Variants in ZZZ3 observed in about 807,000 individuals in gnomAD.
The protein encoded by ZZZ3 is ZZ-type zinc finger-containing protein 3.
ZZZ3 carries 22 observed loss-of-function variants against 95.2 expected under a neutral mutation model. That is an observed-to-expected ratio of 0.23 (90% CI 0.17 to 0.33). The LOEUF (loss-of-function observed/expected upper bound fraction) is 0.33, where lower values mean the gene tolerates loss of function less well. ZZZ3 is among the 10% of genes least tolerant of loss of function. ZZZ3 has a pLI of 1.00. For synonymous variants in ZZZ3, 335 were observed against 358.9 expected (o/e 0.93, Z 0.75); for missense variants, 885 against 1,066.5 (o/e 0.83, Z 2.37).
At chr1:77,596,954 A>C (rs979548139) in intron 5 of ZZZ3, among the ~76,000 whole-genome samples, 5 of 152,114 alleles carry the variant, frequency 3.3e-5, no homozygotes, top group Non-Finnish European at 7.4e-5. Context: ...TTCTTGCTCT[A>C]TCAGCTGAGA....
chr1:77,623,767 C>G (rs1376683376), intron 5 of ZZZ3, among the ~76,000 whole-genome samples: 1 of 152,204 alleles, frequency 6.6e-6, no homozygotes, highest in African/African-American at 2.4e-5. Flanking sequence ...CACAGAAAAT[C>G]TTGCCTGAGA....
intron 4 of ZZZ3, among the ~76,000 whole-genome samples, chr1:77,636,293 A>G (rs1448164748): frequency 6.6e-6 from 1 of 152,218 alleles, no homozygotes; most frequent in Non-Finnish European, 1.5e-5. Context: ...TTCCACACCA[A>G]TCTGAATGGG....
At chr1:77,578,397 C>A (rs1435757023) in intron 11 of ZZZ3, among the ~76,000 whole-genome samples, 1 of 152,072 alleles carries the variant, frequency 6.6e-6, no homozygotes, top group African/African-American at 2.4e-5. Flanking sequence ...ATAAACCTTT[C>A]TATTCTTGGA....
chr1:77,601,431 G>A (rs1199313014), intron 5 of ZZZ3, among the ~76,000 whole-genome samples: 3 of 152,084 alleles, frequency 2.0e-5, no homozygotes, highest in Non-Finnish European at 2.9e-5. Flanking sequence ...AAGAAATTGC[G>A]ATGGGAAGAA....
At chr1:77,611,842 A>G (rs1397219408) in intron 5 of ZZZ3, among the ~76,000 whole-genome samples, 1 of 152,052 alleles carries the variant, frequency 6.6e-6, no homozygotes, top group Non-Finnish European at 1.5e-5. Flanking sequence ...AAACGAGTGA[A>G]AGACCTAAAT....
At chr1:77,631,821 G>A in intron 5 of ZZZ3, 29 bp downstream of exon 5, 1 of 1,488,694 alleles carries the variant, frequency 6.7e-7, no homozygotes, top group Middle Eastern at 1.8e-4. Flanking sequence ...AAACAAAGCA[G>A]AATTCATGGT....
intron 1 of ZZZ3, among the ~76,000 whole-genome samples, chr1:77,657,521 T>A (rs1316103764): frequency 6.6e-6 from 1 of 152,168 alleles, no homozygotes; most frequent in Non-Finnish European, 1.5e-5. Context: ...TTTAACCTCA[T>A]TTGGAAATGT....
chr1:77,596,547 A>C (rs1376641955), intron 5 of ZZZ3, among the ~76,000 whole-genome samples: 1 of 152,150 alleles, frequency 6.6e-6, no homozygotes, highest in Non-Finnish European at 1.5e-5. Context: ...TTACAAGTTC[A>C]GGAATAAAAG....
chr1:77,596,671 C>G (rs1664238249), intron 5 of ZZZ3, among the ~76,000 whole-genome samples: 1 of 152,106 alleles, frequency 6.6e-6, no homozygotes, highest in South Asian at 2.1e-4. Flanking sequence ...GCAAGAGGAA[C>G]TGTACATAGC....
chr1:77,643,360 G>A (rs577200973), intron 1 of ZZZ3, among the ~76,000 whole-genome samples: 2 of 152,220 alleles, frequency 1.3e-5, no homozygotes, highest in South Asian at 4.1e-4. Context: ...GCTTTTTGCA[G>A]CAGAAACACT....
Position 77,618,433 on chromosome 1 carries a change from G to A in ZZZ3, c.1505+13417C>T, listed in dbSNP as rs374539212. On this transcript the variant is annotated intron_variant, in intron 5 of 14. Transcript: ENST00000370801. Reference sequence around the variant, plus strand: ...ATGACAAGCACAGTAGGAAGCCAATGCCATCTGCAAAATGAAATTTCAGGG... The same window carrying A: ...ATGACAAGCACAGTAGGAAGCCAATACCATCTGCAAAATGAAATTTCAGGG... Among the ~76,000 whole-genome samples, 11 of 151,884 alleles carry A rather than the reference G, an allele frequency of 7.2e-5. No individual in the cohort carries two copies. In the East Asian group the frequency reaches 9.7e-4, roughly 13 times the overall value.
At chr1:77,614,173 A>G (rs1159666781) in intron 5 of ZZZ3, among the ~76,000 whole-genome samples, 1 of 152,188 alleles carries the variant, frequency 6.6e-6, no homozygotes, top group Non-Finnish European at 1.5e-5. Flanking sequence ...CACAACCCTT[A>G]AATTACTTTA....
chr1:77,623,401 A>T (rs1431941754), intron 5 of ZZZ3, among the ~76,000 whole-genome samples: 1 of 152,200 alleles, frequency 6.6e-6, no homozygotes, highest in Non-Finnish European at 1.5e-5. Context: ...AAACCAAGCA[A>T]AGAACAACTA....
chr1:77,608,040 T>C (rs1665428457), intron 5 of ZZZ3, among the ~76,000 whole-genome samples: 1 of 151,764 alleles, frequency 6.6e-6, no homozygotes, highest in Non-Finnish European at 1.5e-5. Context: ...AGGGCAAATC[T>C]AAGAGTTATT....
At chr1:77,592,026 A>C (rs1570448334) in intron 5 of ZZZ3, among the ~76,000 whole-genome samples, 2 of 152,186 alleles carry the variant, frequency 1.3e-5, no homozygotes, top group African/African-American at 4.8e-5. Flanking sequence ...GTCTCTCCCC[A>C]TTAAGCTGGG....
chr1:77,581,676 G>T, intron 8 of ZZZ3, 100 bp downstream of exon 8: 1 of 937,978 alleles, frequency 1.1e-6, no homozygotes, highest in Non-Finnish European at 1.6e-6. Flanking sequence ...TTATCTTCCA[G>T]TGAAAGACTG....
chr1:77,634,214 T>G (rs184035736), intron 4 of ZZZ3, among the ~76,000 whole-genome samples: 1 of 151,988 alleles, frequency 6.6e-6, no homozygotes, highest in African/African-American at 2.4e-5. Context: ...ATAATAATCT[T>G]GAACTTATAT....
At chr1:77,597,792 G>A (rs970973747) in intron 5 of ZZZ3, among the ~76,000 whole-genome samples, 13 of 152,068 alleles carry the variant, frequency 8.5e-5, no homozygotes, top group Non-Finnish European at 1.5e-4. Flanking sequence ...AAAACTAAAT[G>A]TAATGTGGTA....
intron 5 of ZZZ3, among the ~76,000 whole-genome samples, chr1:77,605,349 T>C (rs967638407): frequency 6.6e-6 from 1 of 152,172 alleles, no homozygotes; most frequent in Non-Finnish European, 1.5e-5. Flanking sequence ...CAATTGTTCA[T>C]TCAGTTCCAG....
Sources: allele counts gnomAD v4.1 joint callset (sites outside exome capture counted in the v4.1 genomes callset), GRCh38; gene constraint gnomAD v4.1.1; transcripts MANE v1.5; gene names NCBI Gene and HGNC (gene_info 2026-07-23, HGNC 2026-07-21).